The following ANKRD44 variants were observed in gnomAD, a reference collection of about 807,000 sequenced individuals.
ANKRD44 encodes serine/threonine-protein phosphatase 6 regulatory ankyrin repeat subunit B.
In ANKRD44, 35 loss-of-function variants were observed where a neutral mutation model predicts 116.0. The observed-to-expected ratio is 0.30, with a 90% CI of 0.23 to 0.40. The LOEUF is 0.40. Among genes scored for constraint, ANKRD44 ranks in the 10% least tolerant of loss-of-function variants. ANKRD44 has a pLI of 1.00. For missense variants in ANKRD44, 1,014 were observed against 1,242.6 expected, an observed-to-expected ratio of 0.82 and a Z score of 2.77; for synonymous variants, 435 against 461.8, an observed-to-expected ratio of 0.94 and a Z score of 0.74.
At chr2:197,017,788 C>A (rs1363311614) in intron 17 of ANKRD44, among the ~76,000 whole-genome samples, 1 of 152,226 alleles carries the variant, frequency 6.6e-6, no homozygotes, top group Non-Finnish European at 1.5e-5. Context: ...GGCCCCAAAC[C>A]TTACAGTTGT....
At chr2:197,192,491 T>C (rs1197129232) in intron 1 of ANKRD44, among the ~76,000 whole-genome samples, 1 of 152,238 alleles carries the variant, frequency 6.6e-6, no homozygotes, top group Non-Finnish European at 1.5e-5. Flanking sequence ...TGAGTACATA[T>C]GTCATTAAAG....
intron 17 of ANKRD44, among the ~76,000 whole-genome samples, chr2:197,022,601 T>C (rs1375136529): frequency 1.3e-5 from 2 of 152,160 alleles, no homozygotes; most frequent in Admixed American, 1.3e-4. Context: ...AGTTCATGAG[T>C]TCCCCCAGGG....
In ANKRD44 at chr2:197,003,893, T is replaced by C. The variant is rs925105462; in HGVS notation, c.2347+1801A>G. On this transcript the variant is annotated intron_variant, in intron 21 of 27. Transcript: ENST00000282272. ...AGGGAACAAAACCAAGTTGAGGAAA[T>C]AGAAAATTTGGCTCTTACTGAGCAG... 3.3e-5 allele frequency among the ~76,000 whole-genome samples: 5 copies of C among 150,540 alleles called. No individual in the cohort carries two copies. In the East Asian group the frequency reaches 9.7e-4, roughly 29 times the overall value.
Position 197,207,383 on chromosome 2 carries a change from C to T in ANKRD44, c.28-20277G>A, listed in dbSNP as rs115494563. Among the ~76,000 whole-genome samples, 452 of 152,288 alleles carry T rather than the reference C, an allele frequency of 3.0e-3. 4 individuals carry two copies. Among genetic ancestry groups the T allele is most frequent in the African/African-American group, 9.8e-3 (407 of 41,550 alleles). On this transcript the variant is annotated intron_variant, in intron 1 of 27. Transcript: ENST00000282272. Reference sequence around the variant, plus strand: ...AGTCTATCCCAGTGTAATAATCACCCATGATTAAACAGCTGTGCCTGCGGA... The same window carrying T: ...AGTCTATCCCAGTGTAATAATCACCTATGATTAAACAGCTGTGCCTGCGGA...
chr2:196,974,455 A>G (rs1326256865), intron 21 of ANKRD44, among the ~76,000 whole-genome samples: 1 of 152,188 alleles, frequency 6.6e-6, no homozygotes, highest in Admixed American at 6.5e-5. Context: ...TATTTTGAGA[A>G]CAATGAAAAT....
chr2:197,299,316 C>T (rs980706282), intron 1 of ANKRD44, among the ~76,000 whole-genome samples: 21 of 152,148 alleles, frequency 1.4e-4, no homozygotes, highest in Admixed American at 5.9e-4. Flanking sequence ...TCTCTAGATC[C>T]GGCAATCCCA....
At chr2:197,222,380 C>G (rs1243632844) in intron 1 of ANKRD44, among the ~76,000 whole-genome samples, 1 of 152,158 alleles carries the variant, frequency 6.6e-6, no homozygotes, top group Non-Finnish European at 1.5e-5. Context: ...ACTAAATATT[C>G]TCTTTAAAGA....
chr2:196,969,986 T>G (rs1574202119), intron 21 of ANKRD44, among the ~76,000 whole-genome samples: 1 of 152,306 alleles, frequency 6.6e-6, no homozygotes, highest in East Asian at 1.9e-4. Flanking sequence ...TCAGTAATTT[T>G]AAGATCCCCC....
At chr2:197,028,680 TG>T (rs2076644664) in intron 16 of ANKRD44, 3 of 156,576 alleles carry the variant, frequency 1.9e-5, no homozygotes, top group Admixed American at 1.3e-4. Context: ...CAAAATGATT[TG>T]ATCTTTATGG....
chr2:197,089,884 C>T, intron 11 of ANKRD44, 66 bp downstream of exon 11: 1 of 1,412,338 alleles, frequency 7.1e-7, no homozygotes, highest in Non-Finnish European at 1.0e-6. Flanking sequence ...TCTGACCAGA[C>T]ACCTGAAGCC....
At chr2:197,270,827 A>C (rs2082878206) in intron 1 of ANKRD44, among the ~76,000 whole-genome samples, 1 of 152,232 alleles carries the variant, frequency 6.6e-6, no homozygotes, top group Admixed American at 6.5e-5. Flanking sequence ...GCAGATGAGC[A>C]GACCAAGGAA....
intron 8 of ANKRD44, among the ~76,000 whole-genome samples, chr2:197,115,265 CTTCT>C (rs1338756718): frequency 6.6e-6 from 1 of 152,160 alleles, no homozygotes; most frequent in Non-Finnish European, 1.5e-5. Context: ...TGTCTAGTGC[CTTCT>C]TTAACGCTTA....
In ANKRD44 at chr2:197,008,969, C is replaced by G. The variant is rs61752171; in HGVS notation, c.1987G>C (p.Val663Leu). ...LLEIADNPEAVDVKDAKGQTP... is the reference protein window; with the variant it reads ...LLEIADNPEALDVKDAKGQTP... ...TGTCCTTTGGCATCTTTCACATCGACCGCCTCCGGGTTGTCTGCAATTTCT... is the reference window on the plus strand; with the variant it reads ...TGTCCTTTGGCATCTTTCACATCGAGCGCCTCCGGGTTGTCTGCAATTTCT... The change falls in exon 19 of 28, where the codon GTC becomes CTC. Residue 663 changes from valine to leucine, a missense_variant. By Grantham distance (32) the Val-to-Leu change is conservative. Transcript: ENST00000282272. 201 of 1,614,052 alleles carry G rather than the reference C, an allele frequency of 1.2e-4. No homozygotes were observed. The highest frequency in any genetic ancestry group is 1.6e-4 in the Non-Finnish European group (193 of 1,179,996).
At chr2:197,155,403 A>C (rs1349763171) in intron 2 of ANKRD44, among the ~76,000 whole-genome samples, 1 of 152,080 alleles carries the variant, frequency 6.6e-6, no homozygotes, top group African/African-American at 2.4e-5. Context: ...GTTATTCTCC[A>C]TTATAATTAG....
intron 17 of ANKRD44, 41 bp downstream of exon 17, chr2:197,025,155 G>A: frequency 6.3e-7 from 1 of 1,575,992 alleles, no homozygotes; most frequent in South Asian, 1.1e-5. Context: ...TGCTTAGGTT[G>A]TTTTTGTAAC....
chr2:197,236,834 G>C (rs1211482127), intron 1 of ANKRD44, among the ~76,000 whole-genome samples: 32 of 152,164 alleles, frequency 2.1e-4, no homozygotes, highest in Admixed American at 2.1e-3. Context: ...TGTATAATGA[G>C]AGCACACAGT....
At chr2:197,074,264 G>A (rs1274976079) in intron 16 of ANKRD44, among the ~76,000 whole-genome samples, 1 of 152,212 alleles carries the variant, frequency 6.6e-6, no homozygotes, top group Non-Finnish European at 1.5e-5. Flanking sequence ...CCTGCTGGGA[G>A]GTCAGGCACA....
At chr2:197,050,854 C>T (rs574357559) in intron 16 of ANKRD44, among the ~76,000 whole-genome samples, 33 of 152,194 alleles carry the variant, frequency 2.2e-4, no homozygotes, top group African/African-American at 7.5e-4. Context: ...GTTTTACTTA[C>T]AGAGCATATA....
At chr2:197,066,046 C>T (rs137978056) in intron 16 of ANKRD44, among the ~76,000 whole-genome samples, 6,126 of 152,202 alleles carry the variant, frequency 0.04, 161 homozygotes, top group Middle Eastern at 0.082. Flanking sequence ...CTCAATAAAA[C>T]ACTGGCAAAC....
Sources: gnomAD v4.1 joint callset for allele counts (sites outside exome capture counted in the v4.1 genomes callset) on GRCh38, gnomAD v4.1.1 for gene constraint, MANE v1.5 for transcripts, NCBI Gene and HGNC (gene_info 2026-07-23, HGNC 2026-07-21) for gene names.